The following IFT80 variants were observed in gnomAD, a reference collection of about 807,000 sequenced individuals.
The protein encoded by IFT80 is intraflagellar transport 80.
A neutral mutation model predicts 107.9 loss-of-function variants in IFT80; 79 were observed. The ratio of observed to expected loss-of-function variants is 0.73; its 90% CI spans 0.61 to 0.88. The LOEUF is 0.88. Among genes scored for constraint, IFT80 ranks in the 40% least tolerant of loss-of-function variants. The pLI, the probability that IFT80 is intolerant of heterozygous loss-of-function variation, is 0.00. For missense variants in IFT80, 797 were observed against 914.2 expected (o/e 0.87, Z 1.65); for synonymous variants, 299 against 300.9 (o/e 0.99, Z 0.07).
chr3:160,285,711 C>A, intron 13 of IFT80, 93 bp downstream of exon 13: 1 of 865,002 alleles, frequency 1.2e-6, no homozygotes, highest in Non-Finnish European at 1.8e-6. Context: ...AAAACTAATT[C>A]CTTTGTGTCC....
chr3:160,349,355 AG>A (rs1720511774), intron 8 of IFT80, among the ~76,000 whole-genome samples: 1 of 152,072 alleles, frequency 6.6e-6, no homozygotes, highest in African/African-American at 2.4e-5. Context: ...AGGCTGAGGC[AG>A]GAGAATCTCT....
Position 160,366,108 on chromosome 3 carries a change from C to A in IFT80, c.484G>T (p.Val162Phe), listed in dbSNP as rs1189005346. The A allele has an allele frequency of 6.2e-7, 1 of 1,612,740 alleles. No individual in the cohort carries two copies. The highest frequency in any genetic ancestry group is 2.2e-5 in the East Asian group (1 of 44,834). ...SVAWGPDSEK[V>F]LYTAGKQLII... The stretch of plus-strand genomic sequence containing the variant: ...AGCTGCTTGCCTGCTGTATAAAGAA[C>A]CTTTTCTGAATCAGGGCCCCACGCT... The change falls in exon 6 of 20, where the codon GTT becomes TTT. Residue 162 changes from valine to phenylalanine, a missense_variant. By Grantham distance (50) the Val-to-Phe change is conservative (BLOSUM62 -1). Coordinates refer to ENST00000326448, the MANE Select transcript of IFT80 (RefSeq NM_020800.3).
chr3:160,324,090 A>C (rs1718488263), intron 8 of IFT80, among the ~76,000 whole-genome samples: 1 of 152,180 alleles, frequency 6.6e-6, no homozygotes, highest in Non-Finnish European at 1.5e-5. Flanking sequence ...AAGAAGTTGA[A>C]TCTCTGAATA....
intron 11 of IFT80, among the ~76,000 whole-genome samples, chr3:160,302,712 A>C (rs1429491988): frequency 6.6e-6 from 1 of 152,142 alleles, no homozygotes; most frequent in Non-Finnish European, 1.5e-5. Context: ...TTTTTTAGAT[A>C]GCTGATATCT....
Position 160,368,649 on chromosome 3 carries a change from G to A in IFT80, c.440-2497C>T, listed in dbSNP as rs145707396. 3.5e-3 allele frequency among the ~76,000 whole-genome samples: 527 copies of A among 151,942 alleles called. 1 individual carries two copies. Among genetic ancestry groups the A allele is most frequent in the Non-Finnish European group, 5.8e-3 (392 of 67,818 alleles). On this transcript the variant is annotated intron_variant, in intron 5 of 19. Coordinates refer to ENST00000326448, the MANE Select transcript of IFT80 (RefSeq NM_020800.3). ...AACCTTAATAAACTCCCCAAAAATA[G>A]AAGTCAAAATTTCAGATATTTCAAA...
chr3:160,361,382 C>G (rs1252360692), intron 6 of IFT80, among the ~76,000 whole-genome samples: 1 of 152,176 alleles, frequency 6.6e-6, no homozygotes, highest in Non-Finnish European at 1.5e-5. Flanking sequence ...AAAGCAAGTC[C>G]TTAGAGACCT....
At chr3:160,328,951 T>C (rs529086497) in intron 8 of IFT80, among the ~76,000 whole-genome samples, 5 of 151,646 alleles carry the variant, frequency 3.3e-5, no homozygotes, top group Non-Finnish European at 7.4e-5. Flanking sequence ...ATGATGAGAA[T>C]ACATGGACAC....
intron 1 of IFT80, among the ~76,000 whole-genome samples, chr3:160,393,602 G>C (rs1713545454): frequency 6.6e-6 from 1 of 152,116 alleles, no homozygotes; most frequent in Non-Finnish European, 1.5e-5. Context: ...AAGAATGAAT[G>C]GATGTGACAG....
chr3:160,367,624 A>T (rs911069878), intron 5 of IFT80, among the ~76,000 whole-genome samples: 1 of 152,108 alleles, frequency 6.6e-6, no homozygotes, highest in African/African-American at 2.4e-5. Context: ...TCTTATAACT[A>T]GCATAAAGTT....
chr3:160,313,565 T>C (rs184543218), intron 9 of IFT80, among the ~76,000 whole-genome samples: 36 of 151,430 alleles, frequency 2.4e-4, no homozygotes, highest in Admixed American at 2.2e-3. Flanking sequence ...TGTTATAGTT[T>C]CAAAACTATG....
At chr3:160,395,042 A>G (rs928930135) in intron 1 of IFT80, among the ~76,000 whole-genome samples, 5 of 152,236 alleles carry the variant, frequency 3.3e-5, no homozygotes, top group Non-Finnish European at 7.3e-5. Flanking sequence ...GAAGTTTTCA[A>G]CAATGCTCAC....
intron 16 of IFT80, 30 bp downstream of exon 16, chr3:160,279,163 A>G (rs1249713531): frequency 6.3e-7 from 1 of 1,581,036 alleles, no homozygotes; most frequent in South Asian, 1.1e-5. Flanking sequence ...TGAAATATAT[A>G]TACAACTATG....
intron 6 of IFT80, among the ~76,000 whole-genome samples, chr3:160,360,232 G>C (rs756693936): frequency 6.6e-6 from 1 of 152,104 alleles, no homozygotes; most frequent in African/African-American, 2.4e-5. Context: ...TAGCTGATTC[G>C]ATCAAGTGGA....
chr3:160,278,075 T>C (rs1260422125), intron 16 of IFT80, among the ~76,000 whole-genome samples: 8 of 152,198 alleles, frequency 5.3e-5, no homozygotes, highest in African/African-American at 1.9e-4. Context: ...CTTAGGCAGA[T>C]AGTGAGGGTA....
chr3:160,327,438 C>G (rs113524326), intron 8 of IFT80, among the ~76,000 whole-genome samples: 4,472 of 152,104 alleles, frequency 0.029, 100 homozygotes, highest in East Asian at 0.083. Flanking sequence ...ACTAACAGGG[C>G]CACAATAACC....
intron 9 of IFT80, 85 bp downstream of exon 9, chr3:160,319,675 T>G: frequency 8.8e-7 from 1 of 1,134,892 alleles, no homozygotes; most frequent in Non-Finnish European, 1.3e-6. Flanking sequence ...TGACTAAATA[T>G]AATTAATGAA....
At chr3:160,351,404 A>G (rs987644966) in intron 8 of IFT80, among the ~76,000 whole-genome samples, 9 of 149,522 alleles carry the variant, frequency 6.0e-5, no homozygotes, top group African/African-American at 9.7e-5. Context: ...ATGTTCCACT[A>G]AGCCTTCTTT....
intron 8 of IFT80, among the ~76,000 whole-genome samples, chr3:160,321,606 A>G (rs1271565940): frequency 1.3e-5 from 2 of 151,972 alleles, no homozygotes; most frequent in Non-Finnish European, 2.9e-5. Context: ...TTAAAGTTTA[A>G]TTTATAAATT....
intron 2 of IFT80, among the ~76,000 whole-genome samples, chr3:160,382,352 T>C (rs1424505027): frequency 2.0e-5 from 3 of 152,158 alleles, no homozygotes; most frequent in African/African-American, 7.2e-5. Flanking sequence ...TTATTTTTAA[T>C]TGACAATACC....
Sources: gnomAD v4.1 joint callset for allele counts (sites outside exome capture counted in the v4.1 genomes callset) on GRCh38, gnomAD v4.1.1 for gene constraint, MANE v1.5 for transcripts, NCBI Gene and HGNC (gene_info 2026-07-23, HGNC 2026-07-21) for gene names.